The following IPO8 variants were observed in gnomAD, a reference collection of about 807,000 sequenced individuals.
The protein encoded by IPO8 is importin-8.
A neutral mutation model predicts 141.2 loss-of-function variants in IPO8; 65 were observed. The ratio of observed to expected loss-of-function variants is 0.46; its 90% confidence interval spans 0.38 to 0.57. The LOEUF is 0.57. Among genes scored for constraint, IPO8 ranks in the 20% least tolerant of loss-of-function variants. The pLI, the probability that IPO8 is intolerant of heterozygous loss-of-function variation, is 0.00. For synonymous variants in IPO8, 411 were observed against 420.3 expected, an observed-to-expected ratio of 0.98 and a Z score of 0.27; for missense variants, 980 against 1,246.8, an observed-to-expected ratio of 0.79 and a Z score of 3.22.
At chr12:30,641,548 C>G (rs2136129573) in intron 20 of IPO8, among the ~76,000 whole-genome samples, 1 of 142,420 alleles carries the variant, frequency 7.0e-6, no homozygotes, top group Non-Finnish European at 1.5e-5. Context: ...GTCACCCAGG[C>G]TAGAGTGCAA....
At chr12:30,638,498 T>C (rs757339491) in intron 21 of IPO8, among the ~76,000 whole-genome samples, 54 of 152,292 alleles carry the variant, frequency 3.5e-4, no homozygotes, top group Non-Finnish European at 6.3e-4. Flanking sequence ...TCTCAGGAAA[T>C]TTTTCTAAAT....
intron 19 of IPO8, 33 bp downstream of exon 19, chr12:30,652,159 A>C (rs755519569): frequency 1.9e-5 from 24 of 1,249,656 alleles, no homozygotes; most frequent in Non-Finnish European, 2.5e-5. Flanking sequence ...ATTAGTTAAG[A>C]ACCACTGAAA....
At chr12:30,685,988 T>G (rs927959673) in intron 2 of IPO8, among the ~76,000 whole-genome samples, 1 of 151,986 alleles carries the variant, frequency 6.6e-6, no homozygotes, top group Non-Finnish European at 1.5e-5. Flanking sequence ...AGCTAAAACT[T>G]AAAAGAAATT....
chr12:30,668,357 C>T (rs1401651797), intron 10 of IPO8, among the ~76,000 whole-genome samples: 1 of 152,178 alleles, frequency 6.6e-6, no homozygotes, highest in Non-Finnish European at 1.5e-5. Flanking sequence ...CGTAGCTAGA[C>T]ACACCTGGCT....
intron 10 of IPO8, among the ~76,000 whole-genome samples, chr12:30,666,785 C>A (rs938921981): frequency 3.3e-5 from 5 of 152,150 alleles, no homozygotes; most frequent in African/African-American, 1.2e-4. Context: ...GCCTCTCCAA[C>A]TCTGTTAAGG....
chr12:30,680,683 A>G, intron 4 of IPO8, 45 bp from the exon 5 acceptor site: 1 of 1,460,620 alleles, frequency 6.8e-7, no homozygotes, highest in Non-Finnish European at 9.3e-7. Flanking sequence ...TTTCCCACCC[A>G]AAGAACCATC....
At position 30,695,840 on chromosome 12, in the gene IPO8, C is replaced by T; in HGVS notation, c.-193G>A. ...GCCCCCTGTCCTCCCTTTTTCCCCC[C>T]CACAACTCGCTCTCCATTCACCGTT... On this transcript the variant is annotated 5_prime_UTR_variant, in exon 1 of 25. The change creates a premature stop within an existing upstream ORF in the 5' untranslated region. Coordinates refer to ENST00000256079, the MANE Select transcript of IPO8 (RefSeq NM_006390.4). The surrounding 1 kb of genome is among the most constrained non-coding windows in gnomAD (Gnocchi z 4.2). 1 of 535,090 alleles carries T rather than the reference C, an allele frequency of 1.9e-6. No individual in the cohort carries two copies. The highest frequency in any genetic ancestry group is 3.4e-6 in the Non-Finnish European group (1 of 298,270). The allele number at this position is 535,090 out of a possible 1,614,324, so 33.1% of individuals were successfully genotyped here.
chr12:30,639,277 AT>A (rs1455587891), intron 21 of IPO8, among the ~76,000 whole-genome samples: 12 of 152,306 alleles, frequency 7.9e-5, no homozygotes, highest in African/African-American at 2.4e-4. Flanking sequence ...TTTAAAAAAA[AT>A]AAATAAAAAA....
At chr12:30,688,317 CTG>C (rs2136175427) in intron 2 of IPO8, 1 of 322,794 alleles carries the variant, frequency 3.1e-6, no homozygotes, top group Non-Finnish European at 6.1e-6. Flanking sequence ...TAATTTTTTC[CTG>C]TTTCTTGAAA....
At position 30,639,744 on chromosome 12, in the gene IPO8, C is replaced by T. The variant is rs753706211; in HGVS notation, c.2269-9G>A. On this transcript the variant is annotated splice_polypyrimidine_tract_variant and intron_variant, in intron 20 of 24. Coordinates refer to ENST00000256079, the MANE Select transcript of IPO8 (RefSeq NM_006390.4). ...ACGAAGAGTGGAATGCACTAGAAGA[C>T]AAGCAAAAGAAAGTCAACCACACAG... The T allele has an allele frequency of 6.2e-7, 1 of 1,609,602 alleles. No homozygotes were observed. The highest frequency in any genetic ancestry group is 1.1e-5 in the South Asian group (1 of 90,960).
intron 10 of IPO8, among the ~76,000 whole-genome samples, chr12:30,668,328 T>A (rs1442299284): frequency 6.6e-6 from 1 of 152,188 alleles, no homozygotes; most frequent in Admixed American, 6.5e-5. Flanking sequence ...CTAGCATCTG[T>A]ACCAGTAGGT....
chr12:30,649,321 G>T, intron 19 of IPO8, 89 bp from the exon 20 acceptor site: 1 of 865,288 alleles, frequency 1.2e-6, no homozygotes, highest in Non-Finnish European at 1.8e-6. Context: ...TATAAATTCA[G>T]CCATAGGAAC....
intron 22 of IPO8, among the ~76,000 whole-genome samples, chr12:30,635,769 A>G (rs1025503714): frequency 6.6e-6 from 1 of 152,086 alleles, no homozygotes; most frequent in Non-Finnish European, 1.5e-5. Flanking sequence ...AGTTTGGACC[A>G]AATACACGAA....
intron 12 of IPO8, 134 bp downstream of exon 12, chr12:30,665,595 C>T (rs2052951591): frequency 3.1e-6 from 2 of 641,256 alleles, no homozygotes; most frequent in Non-Finnish European, 5.4e-6. Context: ...AAATAGATGA[C>T]AGAAAGGAGG....
chr12:30,652,603 A>T (rs2052743461), intron 18 of IPO8, among the ~76,000 whole-genome samples: 1 of 152,002 alleles, frequency 6.6e-6, no homozygotes, highest in South Asian at 2.1e-4. Flanking sequence ...CCCTCCCATC[A>T]TCCCCATTAG....
At chr12:30,649,262 A>T in intron 19 of IPO8, 30 bp from the exon 20 acceptor site, 2 of 1,489,822 alleles carry the variant, frequency 1.3e-6, no homozygotes, top group Non-Finnish European at 1.9e-6. Context: ...GCTCAGCAGT[A>T]AGTGGCACTG....
intron 20 of IPO8, among the ~76,000 whole-genome samples, chr12:30,642,973 A>G (rs2052595018): frequency 1.3e-5 from 2 of 152,228 alleles, no homozygotes; most frequent in Admixed American, 1.3e-4. Flanking sequence ...AAATTTTTAA[A>G]ACCAAACAAC....
chr12:30,644,740 G>A (rs562801771), intron 20 of IPO8, among the ~76,000 whole-genome samples: 198 of 148,680 alleles, frequency 1.3e-3, no homozygotes, highest in Non-Finnish European at 1.9e-3. Context: ...TGCAACCTCC[G>A]CCTCTGGGTT....
intron 15 of IPO8, 35 bp downstream of exon 15, chr12:30,662,292 C>T: frequency 6.3e-7 from 1 of 1,581,220 alleles, no homozygotes; most frequent in Non-Finnish European, 8.6e-7. Flanking sequence ...CTCAAGGTTT[C>T]TAAACCAAAT....
Sources: gnomAD v4.1 joint callset for allele counts (sites outside exome capture counted in the v4.1 genomes callset) on GRCh38, gnomAD v4.1.1 for gene constraint, Gnocchi (gnomAD v3.1) non-coding constraint, MANE v1.5 for transcripts, NCBI Gene and HGNC (gene_info 2026-07-23, HGNC 2026-07-21) for gene names.